Variants in KCNIP3 observed in about 807,000 individuals in gnomAD.
The protein encoded by KCNIP3 is potassium voltage-gated channel interacting protein 3, also known as calsenilin.
A neutral mutation model predicts 35.0 loss-of-function variants in KCNIP3; 28 were observed. The observed-to-expected ratio is 0.80, with a 90% CI of 0.59 to 1.10. The LOEUF (loss-of-function observed/expected upper bound fraction) is 1.10, where lower values mean the gene tolerates loss of function less well. Among genes scored for constraint, KCNIP3 ranks in the 50% least tolerant of loss-of-function variants. KCNIP3 has a pLI of 0.00. For synonymous variants in KCNIP3, 134 were observed against 133.8 expected, an observed-to-expected ratio of 1.00 and a Z score of -0.01; for missense variants, 295 against 338.4, an observed-to-expected ratio of 0.87 and a Z score of 1.01.
At position 95,297,413 on chromosome 2, in the gene KCNIP3, G is replaced by T; in HGVS notation, c.-26G>T. 6.4e-7 allele frequency: 1 copy of T among 1,553,588 alleles called. No individual in the cohort carries two copies. Among genetic ancestry groups the T allele is most frequent in the Non-Finnish European group, 8.7e-7 (1 of 1,147,780 alleles). On this transcript the variant is annotated 5_prime_UTR_variant, in exon 1 of 9. Transcript: ENST00000295225. ...GCCTCGGCTGTGAAGTGGGGAGGCTGGCAACAGTTTTCTTCAGCGCCCAGG... is the reference window on the plus strand; with the variant it reads ...GCCTCGGCTGTGAAGTGGGGAGGCTTGCAACAGTTTTCTTCAGCGCCCAGG...
At chr2:95,346,692 C>G (rs1028642270) in intron 2 of KCNIP3, 3 of 146,614 alleles carry the variant, frequency 2.0e-5, no homozygotes, top group Non-Finnish European at 3.0e-5. Context: ...ATGGAGGCGC[C>G]GCTGGCCCGC....
chr2:95,338,701 T>C (rs1025437649), intron 2 of KCNIP3, among the ~76,000 whole-genome samples: 2 of 152,180 alleles, frequency 1.3e-5, no homozygotes, highest in Admixed American at 6.5e-5. Context: ...ATAAGGAGTC[T>C]ACTCGAGCGG....
intron 2 of KCNIP3, among the ~76,000 whole-genome samples, chr2:95,356,898 G>T (rs1427162590): frequency 1.3e-5 from 2 of 152,210 alleles, no homozygotes. Flanking sequence ...GGAGTTAGTG[G>T]GAAGGGAAGA....
In KCNIP3 at chr2:95,376,972, C is replaced by T. The variant is rs1442954058; in HGVS notation, c.447+1764C>T. On this transcript the variant is annotated intron_variant, in intron 5 of 8. Coordinates refer to ENST00000295225, the MANE Select transcript of KCNIP3 (RefSeq NM_013434.5). The surrounding 1 kb of genome is among the most constrained non-coding windows in gnomAD (Gnocchi z 4.2). ...GGTAAAAGGTAATACCCTCCCTCCG[C>T]TCACCAAAAAGAATAACCAAAAAGA... 6.6e-6 allele frequency among the ~76,000 whole-genome samples: 1 copy of T among 152,228 alleles called. No individual in the cohort carries two copies. Among genetic ancestry groups the T allele is most frequent in the African/African-American group, 2.4e-5 (1 of 41,452 alleles).
At chr2:95,374,162 G>T (rs918488058) in intron 2 of KCNIP3, 134 bp from the exon 3 acceptor site, 38 of 1,097,602 alleles carry the variant, frequency 3.5e-5, no homozygotes, top group Admixed American at 1.7e-4. Flanking sequence ...TGCACAGCCT[G>T]TGTGGCTGTC....
chr2:95,385,740 G>A lies in KCNIP3; in HGVS notation c.*1691G>A, dbSNP rs562976146. 79 of 152,838 alleles carry A rather than the reference G, an allele frequency of 5.2e-4. No homozygotes were observed. Among genetic ancestry groups the A allele is most frequent in the African/African-American group, 1.8e-3 (75 of 41,600 alleles). The allele number at this position is 152,838 out of a possible 1,614,324, so 9.5% of individuals were successfully genotyped here. A position where few individuals can be genotyped will look rare whatever the true frequency, so the allele number is the denominator to read the frequency against. On this transcript the variant is annotated 3_prime_UTR_variant, in exon 9 of 9. Coordinates refer to ENST00000295225, the MANE Select transcript of KCNIP3 (RefSeq NM_013434.5). ...GCTCCAGGCTCCAGGCTGACTGGGG[G>A]CCTCTGCCTCCAGGAGGGCATCAGC...
intron 2 of KCNIP3, among the ~76,000 whole-genome samples, chr2:95,323,946 G>A (rs1047872237): frequency 2.0e-5 from 3 of 152,180 alleles, no homozygotes; most frequent in Admixed American, 6.5e-5. Flanking sequence ...CCAGGGCCAC[G>A]TGCAGGGCTT....
At chr2:95,337,012 G>A (rs1306819680) in intron 2 of KCNIP3, among the ~76,000 whole-genome samples, 2 of 152,122 alleles carry the variant, frequency 1.3e-5, no homozygotes, top group Non-Finnish European at 2.9e-5. Flanking sequence ...AATTAGCCAA[G>A]GCCCCAAAGG....
chr2:95,382,317 C>T lies in KCNIP3; in HGVS notation c.556-60C>T. 1.1e-5 allele frequency: 13 copies of T among 1,204,606 alleles called. No homozygotes were observed. Among genetic ancestry groups the T allele is most frequent in the Non-Finnish European group, 1.5e-5 (13 of 860,998 alleles). 74.6% of individuals were successfully genotyped at this position (1,204,606 alleles called of 1,614,324 possible). A position where few individuals can be genotyped will look rare whatever the true frequency, so the allele number is the denominator to read the frequency against. On this transcript the variant is annotated intron_variant, in intron 6 of 8. Transcript: ENST00000295225. This position sits in a 1 kb window ranked among gnomAD's most constrained non-coding sequence, Gnocchi z 4.5. ...TGCACCCTTGGATGCCGCCCGCTCCCTTTGGGCCCTCACAGCCACCCCGGC... is the reference window on the plus strand; with the variant it reads ...TGCACCCTTGGATGCCGCCCGCTCCTTTTGGGCCCTCACAGCCACCCCGGC...
chr2:95,352,538 G>A (rs1290876099), intron 2 of KCNIP3, among the ~76,000 whole-genome samples: 1 of 152,022 alleles, frequency 6.6e-6, no homozygotes, highest in Admixed American at 6.5e-5. Context: ...GAATCTCCAT[G>A]CTCCCCGACC....
chr2:95,372,368 G>A (rs1356638762), intron 2 of KCNIP3, among the ~76,000 whole-genome samples: 1 of 152,224 alleles, frequency 6.6e-6, no homozygotes. Flanking sequence ...GTTGCTGTGA[G>A]CATCCTTGTG....
chr2:95,375,706 G>T (rs1680167077), intron 5 of KCNIP3, among the ~76,000 whole-genome samples: 1 of 152,154 alleles, frequency 6.6e-6, no homozygotes, highest in South Asian at 2.1e-4. Flanking sequence ...TTACCCACTG[G>T]CGGAAGGAGA....
chr2:95,297,379 G>T lies in KCNIP3; in HGVS notation c.-60G>T. On this transcript the variant is annotated 5_prime_UTR_variant, in exon 1 of 9. Coordinates refer to ENST00000295225, the MANE Select transcript of KCNIP3 (RefSeq NM_013434.5). ...AGGCAGCTGCCAGCCGGCCTGGGCA[G>T]TCTTGTCTGCCTCGGCTGTGAAGTG... 2 of 1,546,674 alleles carry T rather than the reference G, an allele frequency of 1.3e-6. No individual in the cohort carries two copies.
chr2:95,364,134 A>AT (rs996844336), intron 2 of KCNIP3, among the ~76,000 whole-genome samples: 9 of 152,014 alleles, frequency 5.9e-5, no homozygotes, highest in African/African-American at 1.9e-4. Flanking sequence ...ATTTTCTGTA[A>AT]TTTTTTTTGT....
intron 2 of KCNIP3, among the ~76,000 whole-genome samples, chr2:95,344,182 G>A (rs1294215086): frequency 6.6e-6 from 1 of 151,624 alleles, no homozygotes; most frequent in East Asian, 1.9e-4. Context: ...ACAGCATACT[G>A]CCACATGGAG....
At chr2:95,362,886 C>T (rs896288313) in intron 2 of KCNIP3, among the ~76,000 whole-genome samples, 3 of 152,142 alleles carry the variant, frequency 2.0e-5, no homozygotes, top group Non-Finnish European at 4.4e-5. Context: ...CTTATTTTTT[C>T]ATTATTATTA....
chr2:95,329,187 A>G lies in KCNIP3; in HGVS notation c.181+18667A>G, dbSNP rs373756413. ...ATTAGCCCAGGAGTACTCCGTGCAC[A>G]GTAAGTGCCTAGTTAGTGCTGTGGC... On this transcript the variant is annotated intron_variant, in intron 2 of 8. Coordinates refer to ENST00000295225, the MANE Select transcript of KCNIP3 (RefSeq NM_013434.5). 5.7e-4 allele frequency among the ~76,000 whole-genome samples: 85 copies of G among 149,752 alleles called. 1 individual carries two copies. The highest frequency in any genetic ancestry group is 2.0e-3 in the African/African-American group (82 of 40,530).
intron 2 of KCNIP3, among the ~76,000 whole-genome samples, chr2:95,342,015 T>G (rs1341814346): frequency 6.6e-6 from 1 of 151,814 alleles, no homozygotes; most frequent in Non-Finnish European, 1.5e-5. Context: ...GACATTAGAG[T>G]GCAGACCCCA....
intron 2 of KCNIP3, among the ~76,000 whole-genome samples, chr2:95,370,530 C>T (rs1378641971): frequency 2.0e-5 from 3 of 152,198 alleles, no homozygotes; most frequent in Non-Finnish European, 2.9e-5. Flanking sequence ...GTACCTTTTC[C>T]TGTGCTTATT....
Sources: gnomAD v4.1 joint callset for allele counts (sites outside exome capture counted in the v4.1 genomes callset) on GRCh38, gnomAD v4.1.1 for gene constraint, Gnocchi (gnomAD v3.1) non-coding constraint, MANE v1.5 for transcripts, NCBI Gene and HGNC (gene_info 2026-07-23, HGNC 2026-07-21) for gene names.